Variants in PRKD2 observed in about 807,000 individuals in gnomAD.
The protein encoded by PRKD2 is protein kinase D2.
In PRKD2, 22 loss-of-function variants were observed where a neutral mutation model predicts 86.0. The ratio of observed to expected loss-of-function variants is 0.26; its 90% confidence interval spans 0.18 to 0.37. The LOEUF is 0.37. Ranked by LOEUF, PRKD2 falls within the 10% of genes least tolerant of loss-of-function variation. PRKD2 has a pLI of 1.00. For synonymous variants in PRKD2, 509 were observed against 510.9 expected (o/e 1.00, Z 0.05); for missense variants, 818 against 1,199.2 (o/e 0.68, Z 4.70).
rs114286666 is a variant in PRKD2, at chr19:46,715,474, T to C, written c.240+657A>G. On this transcript the variant is annotated intron_variant, in intron 1 of 17. Coordinates refer to ENST00000291281, the MANE Select transcript of PRKD2 (RefSeq NM_016457.5). ...ACAGAAGCCCACTATTCTTTTAACA[T>C]TTCACGGTTTAGACGTGGAGTTCCA... is the stretch of plus-strand genomic sequence containing the variant. Among the ~76,000 whole-genome samples the C allele has an allele frequency of 4.6e-3, 694 of 152,330 alleles. 6 individuals carry two copies. Among genetic ancestry groups the C allele is most frequent in the African/African-American group, 0.015 (638 of 41,572 alleles).
At chr19:46,680,946 A>ATATATATATATATTTTTTT in intron 15 of PRKD2, among the ~76,000 whole-genome samples, 1 of 48,226 alleles carries the variant, frequency 2.1e-5, no homozygotes, top group East Asian at 4.5e-4. Context: ...ATATATATAT[A>ATATATATATATATTTTTTT]TTTTTTTTTT....
At position 46,679,717 on chromosome 19, in the gene PRKD2, C is replaced by T. The variant is rs183914032; in HGVS notation, c.2071-1054G>A. Among the ~76,000 whole-genome samples the T allele has an allele frequency of 3.9e-5, 6 of 152,184 alleles. No homozygotes were observed. The East Asian group carries it at 5.8e-4, about 15-fold the overall frequency. ...TTGGCTCACTGCAACCTCTGCCTCCCAGGTTCAAGCAATTCTCCTGCCTCA... is the reference window on the plus strand; with the variant it reads ...TTGGCTCACTGCAACCTCTGCCTCCTAGGTTCAAGCAATTCTCCTGCCTCA... On this transcript the variant is annotated intron_variant, in intron 15 of 17. Transcript: ENST00000291281.
At position 46,704,281 on chromosome 19, in the gene PRKD2, G is replaced by A. The variant is rs926070259; in HGVS notation, c.777C>T (p.Ser259=). 6.2e-7 allele frequency: 1 copy of A among 1,614,116 alleles called. No homozygotes were observed. The highest frequency in any genetic ancestry group is 1.3e-5 in the African/African-American group (1 of 74,942). Residue 259 remains serine, a synonymous_variant, in exon 5 of 18, where the codon TCC becomes TCT. Transcript: ENST00000291281. ...GGAAGGTGTGCGGCACCTTGACCTT[G>A]GAGAGCAGCATCTTGTCCAGCTCAA... The part of the protein sequence containing the change: ...RPIELDKMLL[S]KVKVPHTFLI...
At chr19:46,694,748 C>T (rs754090153) in intron 9 of PRKD2, among the ~76,000 whole-genome samples, 41 of 152,118 alleles carry the variant, frequency 2.7e-4, no homozygotes, top group Non-Finnish European at 5.3e-4. Context: ...GTATCCCCAT[C>T]ACATGGGCGG....
chr19:46,700,750 T>G (rs202095740), intron 7 of PRKD2, 49 bp downstream of exon 7: 4 of 1,568,268 alleles, frequency 2.6e-6, no homozygotes, highest in East Asian at 4.6e-5. Flanking sequence ...TGAGGTTCAC[T>G]GTGCAGGAGG....
intron 14 of PRKD2, chr19:46,685,863 C>T (rs2053389082): frequency 6.6e-6 from 1 of 152,282 alleles, no homozygotes; most frequent in Admixed American, 6.6e-5. Context: ...GTAGGAGAAT[C>T]ACCTGAACCC....
chr19:46,675,793 G>A (rs2053192280), intron 16 of PRKD2, among the ~76,000 whole-genome samples: 1 of 150,596 alleles, frequency 6.6e-6, no homozygotes, highest in African/African-American at 2.4e-5. Context: ...TTTGAGACAG[G>A]GTCTCATTGT....
chr19:46,712,262 C>T lies in PRKD2; in HGVS notation c.380-1224G>A, dbSNP rs181284933. 6.3e-5 allele frequency among the ~76,000 whole-genome samples: 9 copies of T among 143,132 alleles called. No homozygotes were observed. The South Asian group carries it at 1.1e-3, about 18-fold the overall frequency. The allele number at this position is 143,132 out of a possible 152,430, so 93.9% of individuals were successfully genotyped here. A position where few individuals can be genotyped will look rare whatever the true frequency, so the allele number is the denominator to read the frequency against. On this transcript the variant is annotated intron_variant, in intron 2 of 17. Transcript: ENST00000291281. The stretch of plus-strand genomic sequence containing the variant: ...CTGCCTCAAAACAAAATAACAGGGC[C>T]GGGAGCGGTGGCTCACACCTGTAAT...
intron 3 of PRKD2, among the ~76,000 whole-genome samples, chr19:46,707,181 C>T (rs1008491343): frequency 2.6e-5 from 4 of 152,262 alleles, no homozygotes; most frequent in East Asian, 1.9e-4. Context: ...TGTGAGCCAC[C>T]GTGCCTGGCC....
chr19:46,711,684 C>T (rs2053811280), intron 2 of PRKD2, among the ~76,000 whole-genome samples: 2 of 152,164 alleles, frequency 1.3e-5, no homozygotes, highest in South Asian at 2.1e-4. Flanking sequence ...TGAGCCACTG[C>T]ACCCGGCCTA....
chr19:46,700,316 G>C (rs532186632), intron 7 of PRKD2, among the ~76,000 whole-genome samples: 6 of 152,060 alleles, frequency 3.9e-5, no homozygotes, highest in Admixed American at 6.6e-5. Context: ...CTGAGCCCAG[G>C]AGTTTGAGGT....
chr19:46,680,940 ATATATAT>A (rs1406570620), intron 15 of PRKD2, among the ~76,000 whole-genome samples: 1 of 51,078 alleles, frequency 2.0e-5, no homozygotes, highest in Non-Finnish European at 4.1e-5. Context: ...ATATATATAT[ATATATAT>A]TTTTTTTTTT....
intron 3 of PRKD2, among the ~76,000 whole-genome samples, chr19:46,709,879 TC>T (rs1325247301): frequency 6.6e-6 from 1 of 152,064 alleles, no homozygotes. Flanking sequence ...GATTTTTTTT[TC>T]TTTTTCTTTT....
Position 46,678,132 on chromosome 19 carries a change from C to A in PRKD2, c.2338+264G>T, listed in dbSNP as rs2053238484. Among the ~76,000 whole-genome samples, 1 of 152,184 alleles carries A rather than the reference C, an allele frequency of 6.6e-6. No individual in the cohort carries two copies. Among genetic ancestry groups the A allele is most frequent in the Non-Finnish European group, 1.5e-5 (1 of 68,026 alleles). ...TAGACAAGCCAAGTCTCACTCAGCCCCCCTAAGGTTCCAAGTGTCCTCAGC... is the reference window on the plus strand; with the variant it reads ...TAGACAAGCCAAGTCTCACTCAGCCACCCTAAGGTTCCAAGTGTCCTCAGC... On this transcript the variant is annotated intron_variant, in intron 16 of 17. Coordinates refer to ENST00000291281, the MANE Select transcript of PRKD2 (RefSeq NM_016457.5). The surrounding 1 kb of genome is among the most constrained non-coding windows in gnomAD (Gnocchi z 5.7).
At chr19:46,698,090 C>A (rs1232322902) in intron 7 of PRKD2, among the ~76,000 whole-genome samples, 1 of 152,142 alleles carries the variant, frequency 6.6e-6, no homozygotes, top group African/African-American at 2.4e-5. Context: ...CAACCTCTGC[C>A]TCCCGGGTTC....
rs573995686 is a variant in PRKD2, at chr19:46,694,981, C to T, written c.1318-848G>A. Among the ~76,000 whole-genome samples the T allele has an allele frequency of 2.2e-4, 34 of 152,018 alleles. 1 individual carries two copies. The highest frequency in any genetic ancestry group is 1.4e-3 in the Admixed American group (22 of 15,256). The stretch of plus-strand genomic sequence containing the variant: ...CTTTGGGAGGCCAAGGCAGGCAGAT[C>T]GCTGGAGCCCAGGAGTTTGAGACCA... On this transcript the variant is annotated intron_variant, in intron 9 of 17. Coordinates refer to ENST00000291281, the MANE Select transcript of PRKD2 (RefSeq NM_016457.5).
intron 14 of PRKD2, among the ~76,000 whole-genome samples, chr19:46,683,299 T>A (rs1485739698): frequency 6.6e-6 from 1 of 151,846 alleles, no homozygotes; most frequent in Non-Finnish European, 1.5e-5. Flanking sequence ...TTCATCATGT[T>A]GGTCAGGCTG....
Position 46,691,915 on chromosome 19 carries a change from T to TGG in PRKD2, c.1629+16_1629+17dup, listed in dbSNP as rs780646912. The TGG allele has an allele frequency of 2.3e-5, 37 of 1,612,770 alleles. 1 individual carries two copies. In the Admixed American group the frequency reaches 5.3e-4, roughly 23 times the overall value. ...GTTTGTGGGAGGGGAGGGCATCAGGTGGGGGCAGGAGTCTCACCACATTCT... is the reference window on the plus strand; with the variant it reads ...GTTTGTGGGAGGGGAGGGCATCAGGTGGGGGGGCAGGAGTCTCACCACATTCT... On this transcript the variant is annotated intron_variant, in intron 11 of 17. Transcript: ENST00000291281.
At chr19:46,676,431 A>G (rs1373779653) in intron 16 of PRKD2, among the ~76,000 whole-genome samples, 1 of 152,154 alleles carries the variant, frequency 6.6e-6, no homozygotes, top group Non-Finnish European at 1.5e-5. Context: ...GTCTCAAAAC[A>G]AAACAAAACA....
Sources: allele counts gnomAD v4.1 joint callset (sites outside exome capture counted in the v4.1 genomes callset), GRCh38; gene constraint gnomAD v4.1.1; non-coding constraint Gnocchi (gnomAD v3.1); transcripts MANE v1.5; gene names NCBI Gene and HGNC (gene_info 2026-07-23, HGNC 2026-07-21).